SLC5A5: variants seen among roughly 807,000 people sequenced by gnomAD.
SLC5A5 encodes sodium/iodide cotransporter.
In SLC5A5, 56 loss-of-function variants were observed where a neutral mutation model predicts 68.6. The ratio of observed to expected loss-of-function variants is 0.82; its 90% confidence interval spans 0.66 to 1.02. The LOEUF is 1.02. SLC5A5 is among the 50% of genes least tolerant of loss of function. The probability of loss-of-function intolerance (pLI) is 0.00; values close to 1 mark genes in which losing one functional copy is unlikely to be tolerated. For missense variants in SLC5A5, 807 were observed against 859.8 expected (o/e 0.94, Z 0.77); for synonymous variants, 398 against 373.0 (o/e 1.07, Z -0.77).
chr19:17,892,014 C>G (rs897579586), intron 14 of SLC5A5, among the ~76,000 whole-genome samples: 5 of 152,094 alleles, frequency 3.3e-5, no homozygotes, highest in African/African-American at 1.2e-4. Context: ...CAGATGCTGT[C>G]AGGCCGGGCA....
At chr19:17,883,805 G>GCCGGA in intron 11 of SLC5A5, 38 bp downstream of exon 11, 1 of 1,601,820 alleles carries the variant, frequency 6.2e-7, no homozygotes, top group South Asian at 1.1e-5. Flanking sequence ...GAGGGGCGGG[G>GCCGGA]CCGGACAGGC....
intron 12 of SLC5A5, among the ~76,000 whole-genome samples, chr19:17,884,783 A>T (rs775723966): frequency 2.0e-4 from 30 of 151,784 alleles, no homozygotes; most frequent in South Asian, 4.1e-4. Flanking sequence ...CAAATAAATA[A>T]ATTAAAGTGG....
Position 17,872,110 on chromosome 19 carries a change from G to C in SLC5A5, c.-210G>C, listed in dbSNP as rs565696099. 7.1e-5 allele frequency: 41 copies of C among 578,278 alleles called. No individual in the cohort carries two copies. The African/African-American group carries it at 7.5e-4, about 11-fold the overall frequency. The allele number at this position is 578,278 out of a possible 1,614,324, so 35.8% of individuals were successfully genotyped here. ...ACGCAGAGACAGACAGCGGGGACAGGGAGGCCGACACGGACATCGACAGCC... is the reference window on the plus strand; with the variant it reads ...ACGCAGAGACAGACAGCGGGGACAGCGAGGCCGACACGGACATCGACAGCC... On this transcript the variant is annotated 5_prime_UTR_variant, in exon 1 of 15. Transcript: ENST00000222248.
At chr19:17,886,241 CAT>C (rs374546098) in intron 12 of SLC5A5, among the ~76,000 whole-genome samples, 56 of 150,880 alleles carry the variant, frequency 3.7e-4, no homozygotes, top group African/African-American at 1.2e-3. Context: ...TTGGTATGGA[CAT>C]ATGTTTTAAT....
At chr19:17,875,770 C>A (rs1713387234) in intron 4 of SLC5A5, among the ~76,000 whole-genome samples, 182 bp from the exon 5 acceptor site, 1 of 152,078 alleles carries the variant, frequency 6.6e-6, no homozygotes, top group Non-Finnish European at 1.5e-5. Context: ...AGACAGAAAC[C>A]TTTTCTTTAA....
chr19:17,878,801 C>T (rs1172881690), intron 7 of SLC5A5, among the ~76,000 whole-genome samples: 1 of 151,814 alleles, frequency 6.6e-6, no homozygotes, highest in Non-Finnish European at 1.5e-5. Context: ...CATGGTGAAA[C>T]CCCCCTCCAC....
At position 17,892,761 on chromosome 19, in the gene SLC5A5, G is replaced by A. The variant is rs546419051; in HGVS notation, c.1768-952G>A. 5.4e-5 allele frequency among the ~76,000 whole-genome samples: 8 copies of A among 149,176 alleles called. No homozygotes were observed. The South Asian group carries it at 1.3e-3, about 24-fold the overall frequency. Reference sequence around the variant, plus strand: ...TAAATATTCAAAGGATAATAAAACCGGATGCTGTGATGGGGAGCAACTTTA... The same window carrying A: ...TAAATATTCAAAGGATAATAAAACCAGATGCTGTGATGGGGAGCAACTTTA... On this transcript the variant is annotated intron_variant, in intron 14 of 14. Coordinates refer to ENST00000222248, the MANE Select transcript of SLC5A5 (RefSeq NM_000453.3).
chr19:17,873,388 G>C (rs543733350), intron 1 of SLC5A5, among the ~76,000 whole-genome samples: 1 of 152,206 alleles, frequency 6.6e-6, no homozygotes, highest in East Asian at 1.9e-4. Flanking sequence ...TTGAACCCGG[G>C]AGGTTGCAGT....
At chr19:17,873,360 C>T (rs1040339853) in intron 1 of SLC5A5, among the ~76,000 whole-genome samples, 2 of 151,938 alleles carry the variant, frequency 1.3e-5, no homozygotes, top group Non-Finnish European at 2.9e-5. Context: ...ACTTGGGAGG[C>T]TAAGACAGGA....
intron 7 of SLC5A5, 134 bp downstream of exon 7, chr19:17,878,227 C>T: frequency 9.2e-7 from 1 of 1,086,416 alleles, no homozygotes; most frequent in Non-Finnish European, 1.4e-6. Context: ...GAGAGGAGGC[C>T]AGGTGCGGCG....
rs183653165 is a variant in SLC5A5, at chr19:17,887,032, C to A, written c.1527-1299C>A. Among the ~76,000 whole-genome samples, 17 of 152,194 alleles carry A rather than the reference C, an allele frequency of 1.1e-4. No homozygotes were observed. In the East Asian group the frequency reaches 3.3e-3, roughly 29 times the overall value. Reference sequence around the variant, plus strand: ...CCAAGGCTGCAGTGAAGCATGATCCCACCACTGCACTCCATCCTAGGCAAC... The same window carrying A: ...CCAAGGCTGCAGTGAAGCATGATCCAACCACTGCACTCCATCCTAGGCAAC... On this transcript the variant is annotated intron_variant, in intron 12 of 14. Transcript: ENST00000222248.
At chr19:17,881,888 G>T (rs1028330528) in intron 8 of SLC5A5, 72 bp from the exon 9 acceptor site, 17 of 1,209,016 alleles carry the variant, frequency 1.4e-5, no homozygotes, top group African/African-American at 6.0e-5. Flanking sequence ...GCTGGGTGAG[G>T]TCTGGCAGGC....
At position 17,877,970 on chromosome 19, in the gene SLC5A5, G is replaced by A; in HGVS notation, c.846G>A (p.Leu282=). ...AGGCTGCCTCTTCCCCCAGGGCCCT[G>A]CTCATCAACCAGGTCGGCCTGTTCC... ...CRTEKQAKLA[L]LINQVGLFLI... Residue 282 remains leucine (L), a synonymous_variant, in exon 7 of 15, where the codon CTG becomes CTA. Transcript: ENST00000222248. The A allele has an allele frequency of 6.2e-7, 1 of 1,613,494 alleles. No individual in the cohort carries two copies. Among genetic ancestry groups the A allele is most frequent in the Non-Finnish European group, 8.5e-7 (1 of 1,180,028 alleles).
chr19:17,887,428 G>T (rs1208274666), intron 12 of SLC5A5, among the ~76,000 whole-genome samples: 1 of 151,922 alleles, frequency 6.6e-6, no homozygotes, highest in Non-Finnish European at 1.5e-5. Flanking sequence ...GTGAGTAGCT[G>T]TGACTACAGG....
intron 12 of SLC5A5, among the ~76,000 whole-genome samples, chr19:17,886,244 A>G (rs1486988112): frequency 6.6e-6 from 1 of 151,146 alleles, no homozygotes; most frequent in Non-Finnish European, 1.5e-5. Context: ...GTATGGACAT[A>G]TGTTTTAATT....
intron 14 of SLC5A5, among the ~76,000 whole-genome samples, chr19:17,892,632 T>C (rs2147756956): frequency 1.8e-5 from 2 of 109,136 alleles, no homozygotes; most frequent in East Asian, 2.9e-4. Flanking sequence ...AGCCAGACAC[T>C]GTCAGAAAGA....
At chr19:17,891,750 G>A (rs1005913455) in intron 14 of SLC5A5, among the ~76,000 whole-genome samples, 7 of 152,174 alleles carry the variant, frequency 4.6e-5, no homozygotes, top group East Asian at 1.9e-4. Flanking sequence ...GGCTAAAACC[G>A]CGTGGTTGCT....
At chr19:17,877,053 G>A (rs2147733793) in intron 5 of SLC5A5, among the ~76,000 whole-genome samples, 1 of 151,562 alleles carries the variant, frequency 6.6e-6, no homozygotes, top group Admixed American at 6.6e-5. Flanking sequence ...AAAGAGGATG[G>A]GGCTGGGCTC....
intron 4 of SLC5A5, among the ~76,000 whole-genome samples, chr19:17,875,671 C>T (rs573081882): frequency 7.6e-5 from 11 of 145,122 alleles, no homozygotes; most frequent in South Asian, 6.7e-4. Flanking sequence ...CCAGCTACTC[C>T]GGAGGCTGAG....
Sources: allele counts gnomAD v4.1 joint callset (sites outside exome capture counted in the v4.1 genomes callset), GRCh38; gene constraint gnomAD v4.1.1; transcripts MANE v1.5; gene names NCBI Gene and HGNC (gene_info 2026-07-23, HGNC 2026-07-21).